The following BCAR3 variants were observed in gnomAD, a reference collection of about 807,000 sequenced individuals.
BCAR3 encodes the protein BCAR3 adaptor protein, NSP family member.
BCAR3 carries 37 observed loss-of-function variants against 80.1 expected under a neutral mutation model. The ratio of observed to expected loss-of-function variants is 0.46; its 90% CI spans 0.36 to 0.61. The LOEUF (loss-of-function observed/expected upper bound fraction) is 0.61, where lower values mean the gene tolerates loss of function less well. BCAR3 is among the 20% of genes least tolerant of loss of function. The probability of loss-of-function intolerance (pLI) is 0.00; values close to 1 mark genes in which losing one functional copy is unlikely to be tolerated. For missense variants in BCAR3, 978 were observed against 1,068.2 expected (o/e 0.92, Z 1.18); for synonymous variants, 389 against 418.9 (o/e 0.93, Z 0.87).
Position 93,827,315 on chromosome 1 carries a change from T to G in BCAR3, c.-63+18252A>C, listed in dbSNP as rs375272637. The stretch of plus-strand genomic sequence containing the variant: ...AGTTTGTAATGAGGCACATATGGCA[T>G]GATTTGAGTTGGTCAGATTTAGCAA... On this transcript the variant is annotated intron_variant, in intron 2 of 13. Coordinates refer to the BCAR3 transcript ENST00000370244. Among the ~76,000 whole-genome samples, 40 of 152,176 alleles carry G rather than the reference T, an allele frequency of 2.6e-4. 3 individuals are homozygous for G. The highest frequency in any genetic ancestry group is 1.2e-3 in the Admixed American group (19 of 15,292).
chr1:93,673,234 C>A (rs746592034), intron 2 of BCAR3, among the ~76,000 whole-genome samples: 3 of 152,234 alleles, frequency 2.0e-5, no homozygotes, highest in Non-Finnish European at 4.4e-5. Flanking sequence ...AATGCGCTCA[C>A]TAGAATGTAA....
intron 3 of BCAR3, among the ~76,000 whole-genome samples, chr1:93,698,094 C>G (rs370683719): frequency 2.0e-5 from 3 of 152,198 alleles, no homozygotes; most frequent in Non-Finnish European, 4.4e-5. Context: ...AGGGCTACGG[C>G]GGAGGCAGGA....
chr1:93,621,828 C>T (rs1675324409), intron 3 of BCAR3, among the ~76,000 whole-genome samples: 1 of 152,152 alleles, frequency 6.6e-6, no homozygotes, highest in Non-Finnish European at 1.5e-5. Context: ...TCACCTCACT[C>T]ACCCCATGTG....
chr1:93,612,513 T>A (rs1674983863), intron 3 of BCAR3, among the ~76,000 whole-genome samples: 1 of 152,150 alleles, frequency 6.6e-6, no homozygotes, highest in Non-Finnish European at 1.5e-5. Flanking sequence ...ATAGGCTGAC[T>A]CCCTCATACA....
chr1:93,631,659 T>C (rs1234759730), intron 3 of BCAR3, among the ~76,000 whole-genome samples: 2 of 152,166 alleles, frequency 1.3e-5, no homozygotes, highest in Non-Finnish European at 2.9e-5. Context: ...CTCTCAGTCA[T>C]CCCTACAGTT....
intron 3 of BCAR3, among the ~76,000 whole-genome samples, chr1:93,615,004 C>CTT (rs912095250): frequency 0.013 from 1,643 of 121,968 alleles, 45 homozygotes; most frequent in African/African-American, 0.047. Flanking sequence ...TCAACGAGTT[C>CTT]TTTTTTTTTT....
intron 3 of BCAR3, among the ~76,000 whole-genome samples, chr1:93,690,972 C>G (rs1649166662): frequency 1.3e-5 from 2 of 152,174 alleles, no homozygotes; most frequent in Non-Finnish European, 2.9e-5. Flanking sequence ...ATTAACACTT[C>G]TGTTTCACAG....
At chr1:93,708,850 A>T (rs2101978223) in intron 2 of BCAR3, among the ~76,000 whole-genome samples, 1 of 152,350 alleles carries the variant, frequency 6.6e-6, no homozygotes, top group Middle Eastern at 3.4e-3. Flanking sequence ...TGCCAAGGAC[A>T]CAGGCAGGAG....
rs1369558274 is a variant in BCAR3, at chr1:93,823,396, G to A, written c.-63+22171C>T. ...AGTGTAGGAAGGTGAATGAGGAGAA[G>A]CTGGTGGAAGGAATACAGTTAGGAG... On this transcript the variant is annotated intron_variant, in intron 2 of 13. Transcript: ENST00000370244. Among the ~76,000 whole-genome samples, 2 of 134,032 alleles carry A rather than the reference G, an allele frequency of 1.5e-5. 1 individual carries two copies. Among genetic ancestry groups the A allele is most frequent in the Admixed American group, 1.5e-4 (2 of 12,952 alleles). 87.9% of individuals were successfully genotyped at this position (134,032 alleles called of 152,430 possible). A position where few individuals can be genotyped will look rare whatever the true frequency, so the allele number is the denominator to read the frequency against.
intron 1 of BCAR3, among the ~76,000 whole-genome samples, chr1:93,846,361 A>T (rs951356941): frequency 4.6e-5 from 7 of 152,212 alleles, no homozygotes; most frequent in African/African-American, 1.4e-4. Flanking sequence ...CCGCCCTGCG[A>T]ATCCTCCGTA....
At chr1:93,618,159 T>C (rs1239035190) in intron 3 of BCAR3, among the ~76,000 whole-genome samples, 2 of 152,220 alleles carry the variant, frequency 1.3e-5, no homozygotes, top group Non-Finnish European at 2.9e-5. Flanking sequence ...ATCTGATTGA[T>C]TTCTTGCTCC....
At chr1:93,842,030 T>G (rs528425254) in intron 2 of BCAR3, among the ~76,000 whole-genome samples, 1 of 152,198 alleles carries the variant, frequency 6.6e-6, no homozygotes, top group Admixed American at 6.5e-5. Context: ...GCAGCCTCCC[T>G]GTGTAATTCC....
intron 2 of BCAR3, among the ~76,000 whole-genome samples, chr1:93,759,732 G>A (rs1312697381): frequency 6.6e-6 from 1 of 152,172 alleles, no homozygotes; most frequent in Non-Finnish European, 1.5e-5. Context: ...ACATAAGAAA[G>A]AGAAAATGAT....
chr1:93,635,076 T>C (rs1032391063), intron 3 of BCAR3, among the ~76,000 whole-genome samples: 6 of 151,990 alleles, frequency 3.9e-5, no homozygotes, highest in African/African-American at 1.4e-4. Flanking sequence ...AATAAACAAG[T>C]TAGCTGGGTG....
intron 2 of BCAR3, among the ~76,000 whole-genome samples, chr1:93,650,745 A>G (rs1417855205): frequency 1.3e-5 from 2 of 152,138 alleles, no homozygotes; most frequent in Non-Finnish European, 1.5e-5. Flanking sequence ...CCTCTCCCCA[A>G]AAAATTCGGT....
chr1:93,613,686 T>C (rs367563371), intron 3 of BCAR3, among the ~76,000 whole-genome samples: 10 of 152,100 alleles, frequency 6.6e-5, no homozygotes, highest in African/African-American at 2.4e-4. Flanking sequence ...CCAGGGGAGG[T>C]ACACCACTAG....
intron 2 of BCAR3, among the ~76,000 whole-genome samples, chr1:93,708,002 C>T (rs1274212640): frequency 2.0e-5 from 3 of 151,952 alleles, no homozygotes; most frequent in East Asian, 1.9e-4. Context: ...GGTGGTAAGC[C>T]GAGGGGGCGG....
At chr1:93,771,358 C>T (rs971054627) in intron 2 of BCAR3, among the ~76,000 whole-genome samples, 2 of 152,256 alleles carry the variant, frequency 1.3e-5, no homozygotes, top group African/African-American at 2.4e-5. Flanking sequence ...GTAAGAGACA[C>T]GACATAGGGC....
At chr1:93,847,556 C>T (rs1015081994), upstream of BCAR3, 1 of 152,378 alleles carries the variant, frequency 6.6e-6, no homozygotes, top group Non-Finnish European at 1.5e-5. Flanking sequence ...AGCAGATGCG[C>T]TGAGACTCCA....
Sources: gnomAD v4.1 joint callset for allele counts (sites outside exome capture counted in the v4.1 genomes callset) on GRCh38, gnomAD v4.1.1 for gene constraint, MANE v1.5 for transcripts, NCBI Gene and HGNC (gene_info 2026-07-23, HGNC 2026-07-21) for gene names.